Variants in ATP10B observed in about 807,000 individuals in gnomAD.
The protein encoded by ATP10B is ATPase phospholipid transporting 10B (putative), also known as phospholipid-transporting ATPase VB.
ATP10B carries 122 observed loss-of-function variants against 141.2 expected under a neutral mutation model. The observed-to-expected ratio is 0.86, with a 90% CI of 0.75 to 1.00. The LOEUF (loss-of-function observed/expected upper bound fraction) is 1.00, where lower values mean the gene tolerates loss of function less well. ATP10B is among the 50% of genes least tolerant of loss of function. The pLI is 0.00. For synonymous variants in ATP10B, 685 were observed against 692.0 expected (o/e 0.99, Z 0.16); for missense variants, 1,876 against 1,825.3 (o/e 1.03, Z -0.51).
Position 160,617,149 on chromosome 5 carries a change from C to T in ATP10B, c.2526+715G>A, listed in dbSNP as rs1034161231. Among the ~76,000 whole-genome samples the T allele has an allele frequency of 5.3e-5, 8 of 152,280 alleles. No individual in the cohort carries two copies. In the South Asian group the frequency reaches 1.7e-3, roughly 32 times the overall value. On this transcript the variant is annotated intron_variant, in intron 16 of 25. Transcript: ENST00000327245. ...TTATGCAAGAGAACCCATGTCTAGC[C>T]ATCTAGAAATGTATGCCCATCATAG...
At chr5:160,630,199 G>A (rs996952896) in intron 13 of ATP10B, among the ~76,000 whole-genome samples, 2 of 152,158 alleles carry the variant, frequency 1.3e-5, no homozygotes, top group Non-Finnish European at 2.9e-5. Flanking sequence ...AACTTAACTC[G>A]TGTCAATTTC....
chr5:160,716,659 A>T (rs1181845992), intron 3 of ATP10B, among the ~76,000 whole-genome samples: 1 of 152,218 alleles, frequency 6.6e-6, no homozygotes, highest in African/African-American at 2.4e-5. Context: ...AAAAACAACA[A>T]CAATAAGTGG....
chr5:160,682,827 C>G (rs866892732), intron 6 of ATP10B, among the ~76,000 whole-genome samples: 4 of 152,084 alleles, frequency 2.6e-5, no homozygotes, highest in Non-Finnish European at 1.5e-5. Flanking sequence ...ATCACGAAGT[C>G]AGGAGATTGA....
the ATP10B span, among the ~76,000 whole-genome samples, chr5:160,868,183 A>G: frequency 6.6e-6 from 1 of 152,168 alleles, no homozygotes; most frequent in Admixed American, 6.5e-5. Flanking sequence ...ACCGTCATAT[A>G]TGATGTGGCG....
At chr5:160,818,163 C>T (rs1365942129) in intron 1 of ATP10B, among the ~76,000 whole-genome samples, 1 of 152,134 alleles carries the variant, frequency 6.6e-6, no homozygotes, top group Non-Finnish European at 1.5e-5. Flanking sequence ...TCTAATTAAA[C>T]TAAAGAGCTT....
intron 20 of ATP10B, chr5:160,603,720 C>A: frequency 2.0e-6 from 1 of 495,942 alleles, no homozygotes; most frequent in Middle Eastern, 5.5e-4. Flanking sequence ...CACAAAATGT[C>A]TGTTTAAATG....
chr5:160,622,070 C>T (rs147399618), intron 14 of ATP10B, among the ~76,000 whole-genome samples: 2 of 152,274 alleles, frequency 1.3e-5, no homozygotes, highest in African/African-American at 4.8e-5. Context: ...AATGATAATA[C>T]AGGTAAAGTG....
At chr5:160,837,647 T>A (rs1468549353) in intron 1 of ATP10B, among the ~76,000 whole-genome samples, 1 of 152,178 alleles carries the variant, frequency 6.6e-6, no homozygotes, top group African/African-American at 2.4e-5. Context: ...CTGAAGTTAA[T>A]AATCCTTTGC....
the ATP10B span, among the ~76,000 whole-genome samples, chr5:160,857,731 G>T: frequency 6.6e-6 from 1 of 151,720 alleles, no homozygotes; most frequent in African/African-American, 2.4e-5. Context: ...TCAGTTCAAT[G>T]TATTTTTCCC....
intron 2 of ATP10B, among the ~76,000 whole-genome samples, chr5:160,770,408 C>T (rs758561463): frequency 6.6e-4 from 97 of 147,176 alleles, no homozygotes; most frequent in Non-Finnish European, 1.3e-3. Flanking sequence ...CGAGTTCTGG[C>T]CCTGGTATAT....
chr5:160,768,319 A>T (rs1349017095), intron 2 of ATP10B, among the ~76,000 whole-genome samples: 2 of 152,218 alleles, frequency 1.3e-5, no homozygotes, highest in South Asian at 4.1e-4. Flanking sequence ...ATTTAGACAG[A>T]TTATGCCATG....
At chr5:160,755,120 A>G (rs1238742398) in intron 2 of ATP10B, among the ~76,000 whole-genome samples, 2 of 152,206 alleles carry the variant, frequency 1.3e-5, no homozygotes, top group Non-Finnish European at 1.5e-5. Flanking sequence ...AACAGGAAGC[A>G]TGACTGGGAG....
intron 3 of ATP10B, among the ~76,000 whole-genome samples, chr5:160,691,195 A>T (rs1462412279): frequency 6.6e-6 from 1 of 152,092 alleles, no homozygotes; most frequent in Admixed American, 6.6e-5. Flanking sequence ...ATCACACACC[A>T]GGGCCTGTTG....
chr5:160,744,219 C>T (rs1767658494), intron 2 of ATP10B, among the ~76,000 whole-genome samples: 1 of 152,130 alleles, frequency 6.6e-6, no homozygotes, highest in South Asian at 2.1e-4. Flanking sequence ...TGAGCCATTA[C>T]CAAATTCTCA....
At chr5:160,652,982 A>G (rs1217749382) in intron 7 of ATP10B, among the ~76,000 whole-genome samples, 3 of 40,936 alleles carry the variant, frequency 7.3e-5, no homozygotes, top group African/African-American at 2.8e-4. Context: ...TAATATATAC[A>G]TACATATTTA....
chr5:160,620,014 G>A (rs1758235060), intron 15 of ATP10B, among the ~76,000 whole-genome samples: 1 of 151,270 alleles, frequency 6.6e-6, no homozygotes, highest in South Asian at 2.1e-4. Flanking sequence ...TGTGTTCCAT[G>A]GTAAGATAAT....
rs1166739793 is a variant in ATP10B at position 160,825,507 on chromosome 5, G to C, written c.-576+26434C>G. Among the ~76,000 whole-genome samples the C allele has an allele frequency of 3.9e-5, 6 of 152,312 alleles. No individual in the cohort carries two copies. In the East Asian group the frequency reaches 1.2e-3, roughly 29 times the overall value. On this transcript the variant is annotated intron_variant, in intron 1 of 25. Transcript: ENST00000327245. ...TGAGGCCTCCCCAGCATGTGGAACT[G>C]TGAGTCCATCAAAACTCTTTCTTTT...
chr5:160,861,279 T>C, the ATP10B span, among the ~76,000 whole-genome samples: 1 of 151,842 alleles, frequency 6.6e-6, no homozygotes, highest in Non-Finnish European at 1.5e-5. Context: ...AATAGAGAAC[T>C]ACCTACCATA....
At chr5:160,905,814 C>A in the ATP10B span, among the ~76,000 whole-genome samples, 1 of 151,902 alleles carries the variant, frequency 6.6e-6, no homozygotes. Context: ...AAACTGAGTT[C>A]TTTTGTAAAA....
Sources: gnomAD v4.1 joint callset for allele counts (sites outside exome capture counted in the v4.1 genomes callset) on GRCh38, gnomAD v4.1.1 for gene constraint, MANE v1.5 for transcripts, NCBI Gene and HGNC (gene_info 2026-07-23, HGNC 2026-07-21) for gene names.